Variants in ANAPC4 observed in about 807,000 individuals in gnomAD.
The protein encoded by ANAPC4 is anaphase promoting complex subunit 4, also known as anaphase-promoting complex subunit 4.
In ANAPC4, 63 loss-of-function variants were observed where a neutral mutation model predicts 119.8. That is an observed-to-expected ratio of 0.53 (90% CI 0.43 to 0.65). The LOEUF is 0.65. ANAPC4 is among the 30% of genes least tolerant of loss of function. The pLI, the probability that ANAPC4 is intolerant of heterozygous loss-of-function variation, is 0.00. For synonymous variants in ANAPC4, 283 were observed against 318.6 expected (o/e 0.89, Z 1.19); for missense variants, 716 against 945.1 (o/e 0.76, Z 3.18).
At chr4:25,407,625 G>A (rs1409603377) in intron 20 of ANAPC4, among the ~76,000 whole-genome samples, 1 of 151,758 alleles carries the variant, frequency 6.6e-6, no homozygotes, top group Non-Finnish European at 1.5e-5. Flanking sequence ...AAAAATTATC[G>A]AGGACTAGAA....
At chr4:25,384,140 G>C (rs191122832) in intron 4 of ANAPC4, among the ~76,000 whole-genome samples, 1 of 152,252 alleles carries the variant, frequency 6.6e-6, no homozygotes, top group Non-Finnish European at 1.5e-5. Context: ...TGTTTACCAG[G>C]ACTAAATTCC....
rs1241039915 is a variant in ANAPC4, at chr4:25,399,088, T to C, written c.1214+2189T>C. 2.0e-5 allele frequency among the ~76,000 whole-genome samples: 3 copies of C among 150,988 alleles called. No individual in the cohort carries two copies. In the East Asian group the frequency reaches 5.8e-4, roughly 29 times the overall value. ...GATTCATCATTTAAAAATATTATAC[T>C]GTATTTATCATATAATTTATCTTTT... On this transcript the variant is annotated intron_variant, in intron 16 of 28. Coordinates refer to ENST00000315368, the MANE Select transcript of ANAPC4 (RefSeq NM_013367.3).
chr4:25,409,105 G>A (rs1384308513), intron 20 of ANAPC4, among the ~76,000 whole-genome samples: 1 of 152,110 alleles, frequency 6.6e-6, no homozygotes. Context: ...GCAGGTGACA[G>A]CTACATTATT....
intron 14 of ANAPC4, 81 bp from the exon 15 acceptor site, chr4:25,396,583 C>A: frequency 9.8e-7 from 1 of 1,021,302 alleles, no homozygotes; most frequent in Non-Finnish European, 1.4e-6. Context: ...GTTTTTATTT[C>A]TGAAAATTTA....
chr4:25,394,725 GTATC>G lies in ANAPC4; in HGVS notation c.984+16_984+19del. 1 of 1,604,446 alleles carries G rather than the reference GTATC, an allele frequency of 6.2e-7. No individual in the cohort carries two copies. The highest frequency in any genetic ancestry group is 2.2e-5 in the East Asian group (1 of 44,572). On this transcript the variant is annotated intron_variant, in intron 13 of 28. Coordinates refer to ENST00000315368, the MANE Select transcript of ANAPC4 (RefSeq NM_013367.3). Reference sequence around the variant, plus strand: ...AGTTAACAGTAAAGGTGCAGTTAATGTATCTATGTATTCAAATGGCTATGAACAC... The same window carrying G: ...AGTTAACAGTAAAGGTGCAGTTAATGTATGTATTCAAATGGCTATGAACAC...
Position 25,405,742 on chromosome 4 carries a change from T to A in ANAPC4, c.1317+123T>A, listed in dbSNP as rs1723218337. On this transcript the variant is annotated intron_variant, in intron 18 of 28. Coordinates refer to ENST00000315368, the MANE Select transcript of ANAPC4 (RefSeq NM_013367.3). This position sits in a 1 kb window ranked among gnomAD's most constrained non-coding sequence, Gnocchi z 4.6. ...AGGATGTCAGGATGTAGACGTTAGA[T>A]CCCTTAAGCACCACCTTTTTAAAAA... is the stretch of plus-strand genomic sequence containing the variant. 4.6e-6 allele frequency: 4 copies of A among 862,066 alleles called. No homozygotes were observed. Among genetic ancestry groups the A allele is most frequent in the African/African-American group, 1.7e-5 (1 of 59,258 alleles). 53.4% of individuals were successfully genotyped at this position (862,066 alleles called of 1,614,324 possible).
chr4:25,394,878 A>G lies in ANAPC4; in HGVS notation c.1034A>G (p.Gln345Arg), dbSNP rs1230888096. 3 of 1,613,250 alleles carry G rather than the reference A, an allele frequency of 1.9e-6. No homozygotes were observed. The highest frequency in any genetic ancestry group is 2.5e-6 in the Non-Finnish European group (3 of 1,179,742). The change falls in exon 14 of 29, where the codon CAA (glutamine) becomes CGA (arginine). Residue 345 changes from glutamine to arginine, a missense_variant. By Grantham distance (43) the Gln-to-Arg change is conservative (BLOSUM62 1). Transcript: ENST00000315368. ...ATAGAGTCATCATACTCCAGTATAC[A>G]AAAATTGGTCATAAGTCATTTACAG... ...QSIESSYSSI[Q>R]KLVISHLQSG... is the part of the protein sequence containing the mutation.
At chr4:25,391,149 T>C in intron 9 of ANAPC4, 134 bp downstream of exon 9, 1 of 623,726 alleles carries the variant, frequency 1.6e-6, no homozygotes, top group Non-Finnish European at 2.8e-6. Flanking sequence ...AATTTCTACA[T>C]CCTAATATAC....
intron 16 of ANAPC4, among the ~76,000 whole-genome samples, chr4:25,398,586 G>T (rs994843122): frequency 6.6e-6 from 1 of 152,168 alleles, no homozygotes; most frequent in African/African-American, 2.4e-5. Flanking sequence ...CAGTTGTTAG[G>T]ACTTTGGCCT....
At chr4:25,406,917 A>G in intron 19 of ANAPC4, 32 bp downstream of exon 19, 1 of 1,417,936 alleles carries the variant, frequency 7.1e-7, no homozygotes. Flanking sequence ...AATGCAGTTT[A>G]AAAAAAAATT....
chr4:25,414,220 C>T (rs942102668), intron 22 of ANAPC4, 104 bp from the exon 23 acceptor site: 15 of 771,242 alleles, frequency 1.9e-5, no homozygotes, highest in Admixed American at 7.2e-5. Context: ...GTGATGTAGG[C>T]GATTTTTTTA....
chr4:25,405,089 A>C lies in ANAPC4; in HGVS notation c.1271-484A>C, dbSNP rs1723181084. Among the ~76,000 whole-genome samples, 1 of 151,304 alleles carries C rather than the reference A, an allele frequency of 6.6e-6. No individual in the cohort carries two copies. Among genetic ancestry groups the C allele is most frequent in the African/African-American group, 2.4e-5 (1 of 41,096 alleles). On this transcript the variant is annotated intron_variant, in intron 17 of 28. Coordinates refer to ENST00000315368, the MANE Select transcript of ANAPC4 (RefSeq NM_013367.3). This position sits in a 1 kb window ranked among gnomAD's most constrained non-coding sequence, Gnocchi z 4.6. The stretch of plus-strand genomic sequence containing the variant: ...TAGTACTGATGAGGACAATCCTGTG[A>C]AAGGACGGAGAGAGTCAACCACAGA...
At chr4:25,392,484 A>G in intron 10 of ANAPC4, 63 bp downstream of exon 10, 1 of 1,403,152 alleles carries the variant, frequency 7.1e-7, no homozygotes, top group Admixed American at 1.8e-5. Flanking sequence ...TCTGTAAATA[A>G]AAAGCTTCAA....
intron 21 of ANAPC4, chr4:25,413,237 G>C (rs1343972491): frequency 6.4e-6 from 1 of 155,236 alleles, no homozygotes; most frequent in African/African-American, 2.4e-5. Context: ...TTTATATAGA[G>C]CTAGTTTCCA....
At chr4:25,386,174 A>G (rs1185059906) in intron 4 of ANAPC4, among the ~76,000 whole-genome samples, 1 of 151,956 alleles carries the variant, frequency 6.6e-6, no homozygotes, top group Non-Finnish European at 1.5e-5. Context: ...CGGCCTCCCA[A>G]AGTGCTGGGA....
chr4:25,402,550 A>G (rs1723034094), intron 16 of ANAPC4, among the ~76,000 whole-genome samples: 1 of 152,198 alleles, frequency 6.6e-6, no homozygotes. Context: ...CAAATTTGTA[A>G]TAATGGTTTT....
Position 25,405,694 on chromosome 4 carries a change from C to A in ANAPC4, c.1317+75C>A. 1.4e-6 allele frequency: 2 copies of A among 1,419,692 alleles called. No individual in the cohort carries two copies. Among genetic ancestry groups the A allele is most frequent in the Non-Finnish European group, 2.0e-6 (2 of 1,011,734 alleles). The allele number at this position is 1,419,692 out of a possible 1,614,324, so 87.9% of individuals were successfully genotyped here. A position where few individuals can be genotyped will look rare whatever the true frequency, so the allele number is the denominator to read the frequency against. On this transcript the variant is annotated intron_variant, in intron 18 of 28. Transcript: ENST00000315368. The surrounding 1 kb of genome is among the most constrained non-coding windows in gnomAD (Gnocchi z 4.6). The stretch of plus-strand genomic sequence containing the variant: ...CTCAGCTGTGCTGGTCATTTTGGTA[C>A]TCTTATTCAGTTATTAGTTAACAGG...
At chr4:25,389,158 A>AGTT (rs1560432726) in intron 7 of ANAPC4, among the ~76,000 whole-genome samples, 1 of 117,244 alleles carries the variant, frequency 8.5e-6, no homozygotes. Context: ...ACACCCAGCT[A>AGTT]ATTTTTTTTT....
chr4:25,402,236 T>C (rs1050619361), intron 16 of ANAPC4, among the ~76,000 whole-genome samples: 9 of 152,236 alleles, frequency 5.9e-5, no homozygotes, highest in African/African-American at 1.7e-4. Flanking sequence ...TACCTCTTCA[T>C]TGGTATTATG....
Sources: allele counts gnomAD v4.1 joint callset (sites outside exome capture counted in the v4.1 genomes callset), GRCh38; gene constraint gnomAD v4.1.1; non-coding constraint Gnocchi (gnomAD v3.1); transcripts MANE v1.5; gene names NCBI Gene and HGNC (gene_info 2026-07-23, HGNC 2026-07-21).